OSBPL1A: variants seen among roughly 807,000 people sequenced by gnomAD.
OSBPL1A encodes oxysterol binding protein like 1A.
OSBPL1A carries 80 observed loss-of-function variants against 137.1 expected under a neutral mutation model. That is an observed-to-expected ratio of 0.58 (90% CI 0.49 to 0.70). The LOEUF is 0.70. OSBPL1A is among the 30% of genes least tolerant of loss of function. The pLI, the probability that OSBPL1A is intolerant of heterozygous loss-of-function variation, is 0.00. For missense variants in OSBPL1A, 970 were observed against 1,129.4 expected (o/e 0.86, Z 2.02); for synonymous variants, 365 against 389.7 (o/e 0.94, Z 0.75).
chr18:24,182,714 A>C (rs9959658), intron 18 of OSBPL1A, among the ~76,000 whole-genome samples: 83,538 of 151,996 alleles, frequency 0.55, 24,933 homozygotes, highest in Non-Finnish European at 0.68. Flanking sequence ...TGGGGAGATG[A>C]GGGAAAACAG....
intron 18 of OSBPL1A, among the ~76,000 whole-genome samples, chr18:24,189,787 G>A (rs893603909): frequency 3.3e-5 from 5 of 152,188 alleles, no homozygotes; most frequent in Non-Finnish European, 5.9e-5. Context: ...GCCTGCGGCC[G>A]CTCTGGATGG....
intron 4 of OSBPL1A, among the ~76,000 whole-genome samples, chr18:24,356,305 T>C (rs1248307826): frequency 6.6e-6 from 1 of 152,178 alleles, no homozygotes; most frequent in Non-Finnish European, 1.5e-5. Flanking sequence ...AAAGCAAACA[T>C]GAACTGTCGT....
intron 4 of OSBPL1A, among the ~76,000 whole-genome samples, chr18:24,360,602 A>C (rs1446853967): frequency 6.6e-6 from 1 of 152,222 alleles, no homozygotes; most frequent in Non-Finnish European, 1.5e-5. Context: ...GCAGATCTTC[A>C]AACAACACCA....
intron 4 of OSBPL1A, chr18:24,357,962 A>G (rs1299103542): frequency 6.4e-6 from 1 of 156,880 alleles, no homozygotes. Flanking sequence ...CGTATGCTAG[A>G]AGGCACCAAA....
chr18:24,258,034 A>G (rs2089333760), intron 15 of OSBPL1A, among the ~76,000 whole-genome samples: 1 of 152,242 alleles, frequency 6.6e-6, no homozygotes, highest in Non-Finnish European at 1.5e-5. Flanking sequence ...AAATTAGTGC[A>G]ACCACTATGA....
intron 1 of OSBPL1A, among the ~76,000 whole-genome samples, chr18:24,379,219 G>T (rs1265064613): frequency 6.6e-6 from 1 of 152,142 alleles, no homozygotes; most frequent in Non-Finnish European, 1.5e-5. Context: ...AAGAAAATGG[G>T]AGATAAAAGA....
intron 15 of OSBPL1A, among the ~76,000 whole-genome samples, chr18:24,263,206 G>T (rs2089482937): frequency 6.6e-6 from 1 of 152,162 alleles, no homozygotes; most frequent in South Asian, 2.1e-4. Flanking sequence ...CAACTTAGGA[G>T]GTTATATGTC....
chr18:24,322,864 T>G (rs182510019), intron 7 of OSBPL1A, among the ~76,000 whole-genome samples: 2 of 152,288 alleles, frequency 1.3e-5, no homozygotes, highest in East Asian at 3.9e-4. Flanking sequence ...GGAATCTAGA[T>G]GGGTTCCACC....
At chr18:24,348,487 T>C (rs746775735) in intron 4 of OSBPL1A, among the ~76,000 whole-genome samples, 1 of 152,152 alleles carries the variant, frequency 6.6e-6, no homozygotes, top group Non-Finnish European at 1.5e-5. Flanking sequence ...TAAAAACACC[T>C]TCAGGCCAGG....
At chr18:24,338,141 C>T (rs951506462) in intron 5 of OSBPL1A, among the ~76,000 whole-genome samples, 1 of 150,812 alleles carries the variant, frequency 6.6e-6, no homozygotes, top group Non-Finnish European at 1.5e-5. Flanking sequence ...GGCGCAATCT[C>T]GGCTCACTGC....
rs762445475 is a variant in OSBPL1A at position 24,366,907 on chromosome 18, G to C, written c.267C>G (p.Ala89=). 6.2e-7 allele frequency: 1 copy of C among 1,611,706 alleles called. No homozygotes were observed. Among genetic ancestry groups the C allele is most frequent in the Non-Finnish European group, 8.5e-7 (1 of 1,178,890 alleles). The change falls in exon 4 of 28, where the codon GCC becomes GCG. Residue 89 remains alanine (A), a synonymous_variant. Coordinates refer to ENST00000319481, the MANE Select transcript of OSBPL1A (RefSeq NM_080597.4). ...DMGDTPLHRA[A]FTGRKELVML... ...TGATTTTCACCTTTCGTCCTGTAAA[G>C]GCAGCTCGATGAAGCGGCGTGTCTC...
chr18:24,184,960 TA>T (rs781211412), intron 18 of OSBPL1A, among the ~76,000 whole-genome samples: 1 of 151,994 alleles, frequency 6.6e-6, no homozygotes, highest in Non-Finnish European at 1.5e-5. Context: ...AAATGCTGAG[TA>T]AAAAAAATTG....
chr18:24,368,727 G>C lies in OSBPL1A; in HGVS notation c.122-355C>G, dbSNP rs543965869. 1.5e-5 allele frequency: 3 copies of C among 195,472 alleles called. No homozygotes were observed. The South Asian group carries it at 3.6e-4, about 24-fold the overall frequency. The allele number at this position is 195,472 out of a possible 1,614,324, so 12.1% of individuals were successfully genotyped here. On this transcript the variant is annotated intron_variant, in intron 2 of 27. Transcript: ENST00000319481. ...GAGGGGTTTTATTGACATAGTTCACGACAAGCAACTCTCTTTGAAAACCTG... is the reference window on the plus strand; with the variant it reads ...GAGGGGTTTTATTGACATAGTTCACCACAAGCAACTCTCTTTGAAAACCTG...
chr18:24,290,631 T>C (rs1046563500), intron 14 of OSBPL1A, among the ~76,000 whole-genome samples: 34 of 152,060 alleles, frequency 2.2e-4, no homozygotes, highest in Non-Finnish European at 4.1e-4. Context: ...TGCAGTGAGC[T>C]GAGATGGTGC....
At chr18:24,305,737 G>T (rs1471049040) in intron 13 of OSBPL1A, among the ~76,000 whole-genome samples, 1 of 152,052 alleles carries the variant, frequency 6.6e-6, no homozygotes, top group African/African-American at 2.4e-5. Context: ...ATGTTTTGTG[G>T]GAGGAACCCG....
intron 4 of OSBPL1A, among the ~76,000 whole-genome samples, chr18:24,355,102 T>C (rs1422458331): frequency 6.6e-6 from 1 of 152,186 alleles, no homozygotes; most frequent in African/African-American, 2.4e-5. Flanking sequence ...TCCGTGAGGC[T>C]GTTGCCTTTC....
At chr18:24,346,443 C>T (rs565914009) in intron 4 of OSBPL1A, among the ~76,000 whole-genome samples, 86 of 152,250 alleles carry the variant, frequency 5.6e-4, no homozygotes, top group Admixed American at 2.0e-3. Context: ...CAAAAAGAAA[C>T]CCCATATCTG....
intron 15 of OSBPL1A, among the ~76,000 whole-genome samples, chr18:24,253,782 T>A (rs1219632349): frequency 6.6e-6 from 1 of 152,218 alleles, no homozygotes; most frequent in African/African-American, 2.4e-5. Flanking sequence ...ACATAGGGTC[T>A]ACAAAATATC....
At chr18:24,303,739 A>C (rs2090447201) in intron 13 of OSBPL1A, 21 bp from the exon 14 acceptor site, 1 of 1,583,328 alleles carries the variant, frequency 6.3e-7, no homozygotes, top group African/African-American at 1.3e-5. Context: ...AGAAAAGACA[A>C]AATTAAAACA....
Sources: allele counts gnomAD v4.1 joint callset (sites outside exome capture counted in the v4.1 genomes callset), GRCh38; gene constraint gnomAD v4.1.1; transcripts MANE v1.5; gene names NCBI Gene and HGNC (gene_info 2026-07-23, HGNC 2026-07-21).